LRWD1: variants seen among roughly 807,000 people sequenced by gnomAD.
LRWD1 encodes leucine rich repeats and WD repeat domain containing 1.
LRWD1 carries 76 observed loss-of-function variants against 75.6 expected under a neutral mutation model. That is an observed-to-expected ratio of 1.01 (90% CI 0.84 to 1.22). The LOEUF is 1.22. LRWD1 is among the 50% of genes most tolerant of loss of function. The pLI is 0.00. For missense variants in LRWD1, 917 were observed against 862.0 expected, an observed-to-expected ratio of 1.06 and a Z score of -0.80; for synonymous variants, 487 against 377.0, an observed-to-expected ratio of 1.29 and a Z score of -3.38.
chr7:102,469,591 CG>C lies in LRWD1; in HGVS notation c.1248del (p.Ile417SerfsTer90). On this transcript the variant is annotated frameshift_variant, in exon 10 of 15. Transcript: ENST00000292616. LOFTEE classifies it high-confidence loss of function. ...THLFTASYDK[R>X]IILWDIGVPN... The stretch of plus-strand genomic sequence containing the variant: ...CTCTTCAGCGGCCTCCTATGACAAG[CG>C]GATCATCCTCTGGGACATCGGGGTG... The C allele has an allele frequency of 6.2e-7, 1 of 1,614,192 alleles. No homozygotes were observed. The highest frequency in any genetic ancestry group is 8.5e-7 in the Non-Finnish European group (1 of 1,180,010).
rs200423098 is a variant in LRWD1, at chr7:102,472,509, G to A, written c.1590G>A (p.Trp530Ter). Residue 530 changes from tryptophan (W) to a stop codon, truncating the protein, a stop_gained, in exon 13 of 15, where the codon TGG becomes TGA. Transcript: ENST00000292616. LOFTEE classifies it high-confidence loss of function. ...TICLWSWRQT[W>*]GGRGSQSTVA... The stretch of plus-strand genomic sequence containing the variant: ...GCCTGTGGAGCTGGAGGCAGACGTG[G>A]GGGGGCCGGGGCAGCCAGTCCACGG... 1 of 1,555,208 alleles carries A rather than the reference G, an allele frequency of 6.4e-7. No homozygotes were observed. The highest frequency in any genetic ancestry group is 1.4e-5 in the African/African-American group (1 of 73,800).
At chr7:102,470,797 C>G (rs1396343696) in intron 11 of LRWD1, 1 of 152,278 alleles carries the variant, frequency 6.6e-6, no homozygotes, top group African/African-American at 2.4e-5. Flanking sequence ...TAGAGTCTCC[C>G]TCTTGTCACC....
rs1258796428 is a variant in LRWD1 at position 102,467,587 on chromosome 7, G to A, written c.573+108G>A. 6.5e-7 allele frequency: 1 copy of A among 1,536,956 alleles called. No individual in the cohort carries two copies. On this transcript the variant is annotated intron_variant, in intron 4 of 14. Coordinates refer to ENST00000292616, the MANE Select transcript of LRWD1 (RefSeq NM_152892.3). Reference sequence around the variant, plus strand: ...GGGGCTGTGGGAGTGGGGTGAGTCAGGGTGGGCAGCCCTGTTGGCTGGAGA... The same window carrying A: ...GGGGCTGTGGGAGTGGGGTGAGTCAAGGTGGGCAGCCCTGTTGGCTGGAGA...
At position 102,468,852 on chromosome 7, in the gene LRWD1, CAGG is replaced by C; in HGVS notation, c.1021_1023del (p.Glu341del). On this transcript the variant is annotated splice_acceptor_variant and coding_sequence_variant, in exon 9 of 15. Coordinates refer to ENST00000292616, the MANE Select transcript of LRWD1 (RefSeq NM_152892.3). LOFTEE classifies it high-confidence loss of function. ...GTGACTGTTTACTCTAACCCCCGCC[CAGG>C]AGTTCTTTTCTGTGGCCTGGACCGC... is the stretch of plus-strand genomic sequence containing the variant. 1 of 1,610,060 alleles carries C rather than the reference CAGG, an allele frequency of 6.2e-7. No individual in the cohort carries two copies. Among genetic ancestry groups the C allele is most frequent in the Non-Finnish European group, 8.5e-7 (1 of 1,179,228 alleles).
chr7:102,465,175 G>A lies in LRWD1; in HGVS notation c.80+15G>A. On this transcript the variant is annotated intron_variant, in intron 1 of 14. Coordinates refer to ENST00000292616, the MANE Select transcript of LRWD1 (RefSeq NM_152892.3). ...CGGAGTCTGGAGTAAGAGCCGGGCA[G>A]CGGGTGAGGCTGTGTCCTCGGGGCC... is the stretch of plus-strand genomic sequence containing the variant. 1.4e-6 allele frequency: 2 copies of A among 1,479,822 alleles called. No homozygotes were observed. Among genetic ancestry groups the A allele is most frequent in the Non-Finnish European group, 1.8e-6 (2 of 1,117,052 alleles). 91.7% of individuals were successfully genotyped at this position (1,479,822 alleles called of 1,614,324 possible). A position where few individuals can be genotyped will look rare whatever the true frequency, so the allele number is the denominator to read the frequency against.
intron 13 of LRWD1, 37 bp from the exon 14 acceptor site, chr7:102,472,655 C>G (rs1398004090): frequency 6.2e-7 from 1 of 1,612,126 alleles, no homozygotes; most frequent in Non-Finnish European, 8.5e-7. Context: ...CTTCCGGGAG[C>G]TCTGCCCCCA....
In LRWD1 at chr7:102,472,741, C is replaced by T. The variant is rs144458335; in HGVS notation, c.1740C>T (p.Tyr580=). The T allele has an allele frequency of 1.8e-3, 2,907 of 1,613,494 alleles. 6 individuals carry two copies. Among genetic ancestry groups the T allele is most frequent in the Middle Eastern group, 9.1e-3 (55 of 6,062 alleles). The change falls in exon 14 of 15, where the codon TAC becomes TAT. Residue 580 remains tyrosine, a synonymous_variant. Coordinates refer to ENST00000292616, the MANE Select transcript of LRWD1 (RefSeq NM_152892.3). The part of the protein sequence containing the change: ...CGDEEGNVWL[Y]DVSNILKQPP... Reference sequence around the variant, plus strand: ...ATGAGGAGGGCAACGTGTGGCTCTACGACGTCAGCAACATCCTGAAGCAGC... The same window carrying T: ...ATGAGGAGGGCAACGTGTGGCTCTATGACGTCAGCAACATCCTGAAGCAGC...
intron 12 of LRWD1, 38 bp downstream of exon 12, chr7:102,472,347 G>A (rs552678466): frequency 1.3e-6 from 2 of 1,554,474 alleles, no homozygotes; most frequent in Admixed American, 1.9e-5. Context: ...CTGGCCTCCG[G>A]GCACACAGAT....
At position 102,473,163 on chromosome 7, in the gene LRWD1, C is replaced by CAAGAA. The variant is rs1798277689; in HGVS notation, c.*115_*119dup. 2 of 1,232,090 alleles carry CAAGAA rather than the reference C, an allele frequency of 1.6e-6. No homozygotes were observed. The highest frequency in any genetic ancestry group is 4.8e-5 in the East Asian group (2 of 41,360). The allele number at this position is 1,232,090 out of a possible 1,614,324, so 76.3% of individuals were successfully genotyped here. ...TATTTTTATTAAACTCTACTGTGGACAAGAAGCCTGTGGAAAGGTGTTTCG... is the reference window on the plus strand; with the variant it reads ...TATTTTTATTAAACTCTACTGTGGACAAGAAAAGAAGCCTGTGGAAAGGTGTTTCG... On this transcript the variant is annotated 3_prime_UTR_variant, in exon 15 of 15. Coordinates refer to ENST00000292616, the MANE Select transcript of LRWD1 (RefSeq NM_152892.3).
Position 102,472,510 on chromosome 7 carries a change from G to A in LRWD1, c.1591G>A (p.Gly531Arg), listed in dbSNP as rs775426091. The A allele has an allele frequency of 8.4e-6, 13 of 1,555,732 alleles. No homozygotes were observed. The highest frequency in any genetic ancestry group is 6.9e-6 in the Non-Finnish European group (8 of 1,151,392). ...ICLWSWRQTW[G>R]GRGSQSTVAV... ...CCTGTGGAGCTGGAGGCAGACGTGG[G>A]GGGGCCGGGGCAGCCAGTCCACGGT... is the stretch of plus-strand genomic sequence containing the variant. Residue 531 changes from glycine (G) to arginine (R), a missense_variant, in exon 13 of 15, where the codon GGG becomes AGG. Transcript: ENST00000292616.
At chr7:102,467,585 CA>C in intron 4 of LRWD1, 106 bp downstream of exon 4, 1 of 1,533,312 alleles carries the variant, frequency 6.5e-7, no homozygotes. Flanking sequence ...TGGGGTGAGT[CA>C]GGGTGGGCAG....
chr7:102,467,570 G>A (rs1798049764), intron 4 of LRWD1, 91 bp downstream of exon 4: 6 of 1,564,312 alleles, frequency 3.8e-6, no homozygotes, highest in Non-Finnish European at 5.2e-6. Flanking sequence ...GAGGGGCTGT[G>A]GGAGTGGGGT....
intron 11 of LRWD1, 112 bp downstream of exon 11, chr7:102,469,994 T>C: frequency 1.5e-6 from 2 of 1,303,868 alleles, no homozygotes. Flanking sequence ...AGGGTTGTTT[T>C]TAGAGGCCTC....
At position 102,473,157 on chromosome 7, in the gene LRWD1, T is replaced by TGTG. The variant is rs1798277077; in HGVS notation, c.*110_*112dup. ...AGTGAATATTTTTATTAAACTCTAC[T>TGTG]GTGGACAAGAAGCCTGTGGAAAGGT... On this transcript the variant is annotated 3_prime_UTR_variant, in exon 15 of 15. Transcript: ENST00000292616. 1.6e-6 allele frequency: 2 copies of TGTG among 1,273,284 alleles called. No homozygotes were observed. The highest frequency in any genetic ancestry group is 2.2e-6 in the Non-Finnish European group (2 of 926,096). 78.9% of individuals were successfully genotyped at this position (1,273,284 alleles called of 1,614,324 possible).
In LRWD1 at chr7:102,465,077, C is replaced by A; in HGVS notation, c.-4C>A. Reference sequence around the variant, plus strand: ...TGGGTCAGCGCGGGCTGCGCCTCCTCGCCATGGGCCCCCTCTCGGCGCGGC... The same window carrying A: ...TGGGTCAGCGCGGGCTGCGCCTCCTAGCCATGGGCCCCCTCTCGGCGCGGC... On this transcript the variant is annotated 5_prime_UTR_variant, in exon 1 of 15. Coordinates refer to ENST00000292616, the MANE Select transcript of LRWD1 (RefSeq NM_152892.3). 1 of 1,484,792 alleles carries A rather than the reference C, an allele frequency of 6.7e-7. No individual in the cohort carries two copies. Among genetic ancestry groups the A allele is most frequent in the Non-Finnish European group, 8.9e-7 (1 of 1,119,374 alleles). The allele number at this position is 1,484,792 out of a possible 1,614,324, so 92.0% of individuals were successfully genotyped here.
chr7:102,465,153 A>C lies in LRWD1; in HGVS notation c.73A>C (p.Ser25Arg). 1 of 1,509,602 alleles carries C rather than the reference A, an allele frequency of 6.6e-7. No homozygotes were observed. The highest frequency in any genetic ancestry group is 8.8e-7 in the Non-Finnish European group (1 of 1,133,130). 93.5% of individuals were successfully genotyped at this position (1,509,602 alleles called of 1,614,324 possible). A position where few individuals can be genotyped will look rare whatever the true frequency, so the allele number is the denominator to read the frequency against. ...PKSDRLGKIR[S>R]LDLSGLELLS... is the part of the protein sequence containing the mutation. The stretch of plus-strand genomic sequence containing the variant: ...GAGCGACCGGCTGGGGAAGATCCGG[A>C]GTCTGGAGTAAGAGCCGGGCAGCGG... The change falls in exon 1 of 15, where the codon AGT (serine) becomes CGT (arginine). Residue 25 changes from serine to arginine, a missense_variant. Coordinates refer to ENST00000292616, the MANE Select transcript of LRWD1 (RefSeq NM_152892.3).
In LRWD1 at chr7:102,472,818, C is replaced by T. The variant is rs768752285; in HGVS notation, c.1803+14C>T. On this transcript the variant is annotated intron_variant, in intron 14 of 14. Coordinates refer to ENST00000292616, the MANE Select transcript of LRWD1 (RefSeq NM_152892.3). Reference sequence around the variant, plus strand: ...GCCCCCACACAGGTACTGCCCGGCTCACCCTGCCCAGGCTTGGGCTGGCAA... The same window carrying T: ...GCCCCCACACAGGTACTGCCCGGCTTACCCTGCCCAGGCTTGGGCTGGCAA... 2.9e-5 allele frequency: 46 copies of T among 1,612,952 alleles called. 1 individual carries two copies. The South Asian group carries it at 3.1e-4, about 11-fold the overall frequency.
At position 102,465,488 on chromosome 7, in the gene LRWD1, GCTTTTTTT is replaced by G. The variant is rs764836420; in HGVS notation, c.81-328_81-321del. 4.6e-3 allele frequency: 500 copies of G among 108,026 alleles called. 105 individuals are homozygous for G. The highest frequency in any genetic ancestry group is 0.013 in the African/African-American group (260 of 19,944). 6.7% of individuals were successfully genotyped at this position (108,026 alleles called of 1,614,324 possible). A position where few individuals can be genotyped will look rare whatever the true frequency, so the allele number is the denominator to read the frequency against. On this transcript the variant is annotated intron_variant, in intron 1 of 14. Coordinates refer to ENST00000292616, the MANE Select transcript of LRWD1 (RefSeq NM_152892.3). The stretch of plus-strand genomic sequence containing the variant: ...GCCCCCGAGTCCTAAAGTAGTTGCA[GCTTTTTTT>G]TTTTTTTTTTTTTTTTTTTTTTTTT...
Position 102,465,820 on chromosome 7 carries a change from G to C in LRWD1, c.84G>C (p.Leu28=). 1 of 1,612,556 alleles carries C rather than the reference G, an allele frequency of 6.2e-7. No individual in the cohort carries two copies. Among genetic ancestry groups the C allele is most frequent in the East Asian group, 2.2e-5 (1 of 44,862 alleles). ...DRLGKIRSLD[L]SGLELLSEHL... ...AGCCTTCTGCCCCCAACTCCAGCCT[G>C]TCAGGATTGGAGCTGCTTTCCGAGC... The change falls in exon 2 of 15, where the codon CTG becomes CTC. Residue 28 remains leucine, a synonymous_variant. Coordinates refer to ENST00000292616, the MANE Select transcript of LRWD1 (RefSeq NM_152892.3).
Sources: gnomAD v4.1 joint callset for allele counts on GRCh38, gnomAD v4.1.1 for gene constraint, MANE v1.5 for transcripts, NCBI Gene and HGNC (gene_info 2026-07-23, HGNC 2026-07-21) for gene names.